LRRC28: variants seen among roughly 807,000 people sequenced by gnomAD.
LRRC28 encodes the protein leucine-rich repeat-containing protein 28.
A neutral mutation model predicts 45.7 loss-of-function variants in LRRC28; 39 were observed. The ratio of observed to expected loss-of-function variants is 0.85; its 90% confidence interval spans 0.66 to 1.12. The LOEUF (loss-of-function observed/expected upper bound fraction) is 1.12, where lower values mean the gene tolerates loss of function less well. LRRC28 is among the 50% of genes most tolerant of loss of function. The pLI is 0.00. For missense variants in LRRC28, 435 were observed against 438.5 expected, an observed-to-expected ratio of 0.99 and a Z score of 0.07; for synonymous variants, 206 against 178.8, an observed-to-expected ratio of 1.15 and a Z score of -1.22.
At chr15:99,300,298 G>A (rs2082363802) in intron 5 of LRRC28, among the ~76,000 whole-genome samples, 1 of 151,816 alleles carries the variant, frequency 6.6e-6, no homozygotes, top group Admixed American at 6.6e-5. Flanking sequence ...GATATATATG[G>A]ATGTTTATAG....
intron 5 of LRRC28, among the ~76,000 whole-genome samples, chr15:99,315,233 C>A (rs1955551872): frequency 6.6e-6 from 1 of 152,084 alleles, no homozygotes; most frequent in Non-Finnish European, 1.5e-5. Context: ...TTGAGGACAG[C>A]AGCGATCAAC....
intron 2 of LRRC28, chr15:99,258,435 A>G (rs1213260185): frequency 3.4e-6 from 3 of 895,174 alleles, no homozygotes; most frequent in Non-Finnish European, 5.6e-6. Flanking sequence ...AAAAATATTC[A>G]CAGTTCATAA....
At chr15:99,370,138 T>A (rs1957443820) in intron 9 of LRRC28, among the ~76,000 whole-genome samples, 1 of 152,216 alleles carries the variant, frequency 6.6e-6, no homozygotes, top group African/African-American at 2.4e-5. Context: ...GGCCAAGGTG[T>A]CATAGCAGAG....
intron 9 of LRRC28, among the ~76,000 whole-genome samples, chr15:99,370,378 A>C (rs991669149): frequency 6.6e-6 from 1 of 152,232 alleles, no homozygotes. Flanking sequence ...ATGTGTACGT[A>C]TGTACATATA....
intron 2 of LRRC28, among the ~76,000 whole-genome samples, chr15:99,261,216 T>A (rs1389984386): frequency 6.6e-6 from 1 of 152,168 alleles, no homozygotes; most frequent in East Asian, 1.9e-4. Flanking sequence ...AAGAATAAAC[T>A]TTTCAATTAC....
intron 6 of LRRC28, among the ~76,000 whole-genome samples, chr15:99,338,674 T>G (rs1956407284): frequency 6.6e-6 from 1 of 152,154 alleles, no homozygotes; most frequent in South Asian, 2.1e-4. Context: ...GAAGTGTGAT[T>G]TAGGAGAAAA....
intron 5 of LRRC28, among the ~76,000 whole-genome samples, chr15:99,291,996 C>T (rs2082133686): frequency 6.6e-6 from 1 of 152,212 alleles, no homozygotes; most frequent in Non-Finnish European, 1.5e-5. Context: ...GGAGATATCT[C>T]CATGCTTTAA....
At chr15:99,315,461 A>G (rs1025667519) in intron 5 of LRRC28, among the ~76,000 whole-genome samples, 2 of 152,168 alleles carry the variant, frequency 1.3e-5, no homozygotes, top group South Asian at 2.1e-4. Context: ...TAAAATTTTT[A>G]TGGTGGGAAA....
chr15:99,258,788 T>A, intron 2 of LRRC28: 1 of 694,860 alleles, frequency 1.4e-6, no homozygotes, highest in South Asian at 1.4e-5. Flanking sequence ...TGTACCCACA[T>A]TTGTTCCACG....
In LRRC28 at chr15:99,387,316, T is replaced by A. The variant is rs538377661; in HGVS notation, c.*1214T>A. On this transcript the variant is annotated 3_prime_UTR_variant, in exon 10 of 10. Coordinates refer to ENST00000301981, the MANE Select transcript of LRRC28 (RefSeq NM_144598.5). ...ACCTCGTGATCCGCACGCCTCGGCC[T>A]CCCAAAGTGCTGGGATTACAGGCGT... 6.6e-6 allele frequency: 1 copy of A among 152,234 alleles called. No homozygotes were observed. Among genetic ancestry groups the A allele is most frequent in the South Asian group, 2.1e-4 (1 of 4,812 alleles). The allele number at this position is 152,234 out of a possible 1,614,324, so 9.4% of individuals were successfully genotyped here. A position where few individuals can be genotyped will look rare whatever the true frequency, so the allele number is the denominator to read the frequency against.
intron 5 of LRRC28, among the ~76,000 whole-genome samples, chr15:99,296,270 G>C (rs1181318930): frequency 6.6e-6 from 1 of 152,186 alleles, no homozygotes; most frequent in East Asian, 1.9e-4. Context: ...CAGGAACACT[G>C]GGTCAGCCCT....
chr15:99,385,904 C>A (rs1957971719), intron 9 of LRRC28, 126 bp from the exon 10 acceptor site: 1 of 785,034 alleles, frequency 1.3e-6, no homozygotes, highest in African/African-American at 1.7e-5. Flanking sequence ...ATTTAAATTT[C>A]TATTATGCAG....
chr15:99,334,055 C>T lies in LRRC28; in HGVS notation c.518C>T (p.Pro173Leu), dbSNP rs989446477. The change falls in exon 6 of 10, where the codon CCG becomes CTG. Residue 173 changes from proline (P) to leucine (L), a missense_variant. Coordinates refer to ENST00000301981, the MANE Select transcript of LRRC28 (RefSeq NM_144598.5). ...TVDRNRLWYV[P>L]RHLCQLPSLN... ...GACCGAAATCGTCTATGGTATGTGC[C>T]GCGCCATCTCTGCCAGCTGCCCAGC... 3 of 1,614,104 alleles carry T rather than the reference C, an allele frequency of 1.9e-6. No homozygotes were observed. The highest frequency in any genetic ancestry group is 2.2e-5 in the South Asian group (2 of 91,084).
At chr15:99,351,959 A>G (rs1956893411) in intron 6 of LRRC28, among the ~76,000 whole-genome samples, 1 of 152,236 alleles carries the variant, frequency 6.6e-6, no homozygotes, top group South Asian at 2.1e-4. Flanking sequence ...AGTTCTGGCA[A>G]GAAAAGGGAT....
intron 9 of LRRC28, among the ~76,000 whole-genome samples, chr15:99,372,660 G>A (rs1957515894): frequency 6.6e-6 from 1 of 152,162 alleles, no homozygotes; most frequent in African/African-American, 2.4e-5. Context: ...ACCCCCGTGA[G>A]CTTCATAAGT....
At chr15:99,322,333 T>C (rs1378879718) in intron 5 of LRRC28, among the ~76,000 whole-genome samples, 1 of 151,978 alleles carries the variant, frequency 6.6e-6, no homozygotes, top group African/African-American at 2.4e-5. Flanking sequence ...GGGGTGAGAA[T>C]AGAAGCAAGA....
chr15:99,270,420 C>G (rs762069329), intron 2 of LRRC28, among the ~76,000 whole-genome samples: 6 of 151,960 alleles, frequency 3.9e-5, no homozygotes, highest in Non-Finnish European at 5.9e-5. Context: ...AGTTCCTCCC[C>G]ATTGCCCCGC....
In LRRC28 at chr15:99,361,454, C is replaced by G; in HGVS notation, c.814C>G (p.Pro272Ala). The change falls in exon 8 of 10, where the codon CCT (proline) becomes GCT (alanine). Residue 272 changes from proline (P) to alanine (A), a missense_variant. Pro to Ala is a conservative substitution (Grantham distance 27). Transcript: ENST00000301981. ...AGGGACGGAGCATGATCACGTCCTC[C>G]CTCTGCAGGAATTGGCTATGAGAGG... is the stretch of plus-strand genomic sequence containing the variant. ...AIGTEHDHVL[P>A]LQELAMRGLY... 1 of 1,613,850 alleles carries G rather than the reference C, an allele frequency of 6.2e-7. No individual in the cohort carries two copies. The highest frequency in any genetic ancestry group is 1.1e-5 in the South Asian group (1 of 91,052).
chr15:99,276,970 G>A (rs186233347), intron 3 of LRRC28, among the ~76,000 whole-genome samples: 8 of 152,118 alleles, frequency 5.3e-5, no homozygotes, highest in Admixed American at 1.3e-4. Flanking sequence ...TAAACAGGTC[G>A]TATAAAATGT....
Sources: allele counts gnomAD v4.1 joint callset (sites outside exome capture counted in the v4.1 genomes callset), GRCh38; gene constraint gnomAD v4.1.1; transcripts MANE v1.5; gene names NCBI Gene and HGNC (gene_info 2026-07-23, HGNC 2026-07-21).